The following NBPF20 variants were observed in gnomAD, a reference collection of about 807,000 sequenced individuals.
The protein encoded by NBPF20 is NBPF family member NBPF20.
Under a neutral mutation model 68.1 loss-of-function variants are expected in NBPF20, and 90 were observed. That is an observed-to-expected ratio of 1.32 (90% CI 1.11 to 1.58). The LOEUF (loss-of-function observed/expected upper bound fraction) is 1.58. NBPF20 is among the 40% of genes most tolerant of loss of function. The pLI, the probability that NBPF20 is intolerant of heterozygous loss-of-function variation, is 0.00. For synonymous variants in NBPF20, 290 were observed against 228.1 expected (o/e 1.27, Z -2.45); for missense variants, 816 against 601.2 (o/e 1.36, Z -3.74).
chr1:145,394,990 C>T (rs1662153827), exon 8 of NBPF20: 1 of 1,611,986 alleles, frequency 6.2e-7, no homozygotes, highest in South Asian at 1.1e-5. Context: ...CCTATGTCAA[C>T]AGCCATGCAG....
At chr1:145,402,523 C>A in intron 3 of NBPF20, 142 bp from the exon 9 acceptor site, 3 of 734,792 alleles carry the variant, frequency 4.1e-6, no homozygotes, top group East Asian at 2.6e-5. Context: ...ATGTCTGTGG[C>A]CAAGAGAAAG....
chr1:145,399,894 G>A (rs1662433182), intron 6 of NBPF20, among the ~76,000 whole-genome samples: 3 of 150,838 alleles, frequency 2.0e-5, no homozygotes, highest in African/African-American at 4.9e-5. Flanking sequence ...TATCAGCAAA[G>A]TAAAGAAGAA....
intron 7 of NBPF20, among the ~76,000 whole-genome samples, chr1:145,397,596 G>T (rs1334748276): frequency 6.6e-6 from 1 of 152,160 alleles, no homozygotes. Flanking sequence ...AGTAAACATG[G>T]AAAGGAACAA....
chr1:145,403,192 C>A, intron 3 of NBPF20, 24 bp downstream of exon 8: 3 of 1,612,270 alleles, frequency 1.9e-6, no homozygotes, highest in Non-Finnish European at 2.5e-6. Context: ...TGCCCCCCTG[C>A]CTGCCACCAT....
At chr1:145,393,560 T>C (rs1662045476) in intron 9 of NBPF20, among the ~76,000 whole-genome samples, 1 of 152,008 alleles carries the variant, frequency 6.6e-6, no homozygotes, top group South Asian at 2.1e-4. Flanking sequence ...GTATTTGTGC[T>C]CTCAGGACAC....
chr1:145,292,628 G>A (rs1326633540), intron 136 of NBPF20, 139 bp from the exon 142 acceptor site: 52 of 739,874 alleles, frequency 7.0e-5, no homozygotes, highest in South Asian at 9.9e-5. Flanking sequence ...ATTTCAGGAG[G>A]CCTGAAGGCT....
chr1:145,425,063 G>A, the NBPF20 span, among the ~76,000 whole-genome samples: 1 of 152,074 alleles, frequency 6.6e-6, no homozygotes, highest in African/African-American at 2.4e-5. Flanking sequence ...ACGAGGACGT[G>A]CCCCCGAAGC....
intron 136 of NBPF20, 100 bp from the exon 142 acceptor site, chr1:145,292,589 G>T (rs587718439): frequency 2.7e-6 from 2 of 745,294 alleles, no homozygotes; most frequent in Non-Finnish European, 4.8e-6. Context: ...AGGCTCCCCA[G>T]CATAAGAATA....
chr1:145,291,512 T>G, exon 138 of NBPF20: 1 of 1,611,988 alleles, frequency 6.2e-7, no homozygotes, highest in Non-Finnish European at 8.5e-7. Flanking sequence ...ATCTCTCGGC[T>G]TAGTAAGGGC....
upstream of NBPF20, among the ~76,000 whole-genome samples, chr1:145,407,366 C>CGTATATATATATAATATATATACACGT (rs1558983182): frequency 7.1e-6 from 1 of 140,326 alleles, no homozygotes; most frequent in African/African-American, 2.7e-5. Context: ...ACATGGCACA[C>CGTATATATATATAATATATATACACGT]GTATATATAT....
chr1:145,408,421 G>C (rs2749199), upstream of NBPF20, among the ~76,000 whole-genome samples: 18 of 152,086 alleles, frequency 1.2e-4, no homozygotes, highest in South Asian at 8.3e-4. Flanking sequence ...TAAAAAAAAT[G>C]AATAACTGTA....
At chr1:145,393,566 GAC>G (rs1452607046) in intron 9 of NBPF20, among the ~76,000 whole-genome samples, 1 of 151,892 alleles carries the variant, frequency 6.6e-6, no homozygotes, top group Non-Finnish European at 1.5e-5. Context: ...GTGCTCTCAG[GAC>G]ACACTGTGAA....
Position 145,292,220 on chromosome 1 carries a change from T to G in NBPF20, c.16697+161A>C, listed in dbSNP as rs185323796. On this transcript the variant is annotated intron_variant, in intron 137 of 137. Coordinates refer to ENST00000369373, the Ensembl canonical transcript of NBPF20. ...AGTAAAAGATAAGGGGAGGAAGAAA[T>G]GGAAACCTAAACATCTACTGCAATG... Among the ~76,000 whole-genome samples the G allele has an allele frequency of 2.3e-3, 337 of 149,234 alleles. 24 individuals carry two copies. The highest frequency in any genetic ancestry group is 8.3e-3 in the African/African-American group (323 of 38,732).
In NBPF20 at chr1:145,346,336, GT is replaced by G; in HGVS notation, c.8348del (p.Asn2783ThrfsTer37). ...CTGAAAGTCACCTGGGGCATGGTGG[GT>G]TTTGATCTTCTTCCCCTTCTTTTCT... On this transcript the variant is annotated frameshift_variant, in exon 69 of 138. Transcript: ENST00000369373. LOFTEE classifies it high-confidence loss of function. 9.4e-6 allele frequency: 1 copy of G among 106,364 alleles called. No individual in the cohort carries two copies. The highest frequency in any genetic ancestry group is 1.6e-5 in the Non-Finnish European group (1 of 63,120). The allele number at this position is 106,364 out of a possible 1,614,324, so 6.6% of individuals were successfully genotyped here. A position where few individuals can be genotyped will look rare whatever the true frequency, so the allele number is the denominator to read the frequency against.
chr1:145,393,859 A>C, intron 9 of NBPF20, 25 bp downstream of exon 14: 2 of 1,543,250 alleles, frequency 1.3e-6, no homozygotes, highest in Non-Finnish European at 1.8e-6. Context: ...CATCAAATTA[A>C]CTCTCCACAA....
At chr1:145,410,524 G>A (rs369411610), upstream of NBPF20, among the ~76,000 whole-genome samples, 291 of 150,380 alleles carry the variant, frequency 1.9e-3, 2 homozygotes, top group African/African-American at 6.2e-3. Context: ...CGTTTTAGCC[G>A]GGATGGTCTC....
At chr1:145,393,361 A>G (rs1553662570) in intron 9 of NBPF20, 115 bp from the exon 15 acceptor site, 1 of 709,056 alleles carries the variant, frequency 1.4e-6, no homozygotes, top group African/African-American at 1.8e-5. Flanking sequence ...GGACAGATCC[A>G]TTAATGAGGT....
intron 7 of NBPF20, among the ~76,000 whole-genome samples, chr1:145,395,673 C>G (rs1553663646): frequency 0.024 from 3,460 of 141,570 alleles, 103 homozygotes; most frequent in Middle Eastern, 0.065. Flanking sequence ...TTAAACACAT[C>G]GGAGAGAATA....
intron 6 of NBPF20, among the ~76,000 whole-genome samples, chr1:145,399,776 CAAAAAAAAAA>C (rs1176062364): frequency 6.2e-4 from 32 of 51,730 alleles, no homozygotes; most frequent in African/African-American, 2.7e-3. Flanking sequence ...GACTCCATCA[CAAAAAAAAAA>C]AAAAAAAAAA....
Sources: allele counts gnomAD v4.1 joint callset (sites outside exome capture counted in the v4.1 genomes callset), GRCh38; gene constraint gnomAD v4.1.1; transcripts MANE v1.5; gene names NCBI Gene and HGNC (gene_info 2026-07-23, HGNC 2026-07-21).